The following DCP1B variants were observed in gnomAD, a reference collection of about 807,000 sequenced individuals.
DCP1B encodes the protein decapping mRNA 1B, also known as mRNA-decapping enzyme 1B.
A neutral mutation model predicts 60.5 loss-of-function variants in DCP1B; 47 were observed. The observed-to-expected ratio is 0.78, with a 90% CI of 0.61 to 0.99. The LOEUF (loss-of-function observed/expected upper bound fraction) is 0.99, where lower values mean the gene tolerates loss of function less well. Ranked by LOEUF, DCP1B falls within the 50% of genes least tolerant of loss-of-function variation. The pLI is 0.00. For missense variants in DCP1B, 725 were observed against 756.8 expected (o/e 0.96, Z 0.49); for synonymous variants, 267 against 280.3 (o/e 0.95, Z 0.47).
chr12:1,944,471 G>C (rs1181209026), downstream of DCP1B, among the ~76,000 whole-genome samples: 1 of 152,180 alleles, frequency 6.6e-6, no homozygotes, highest in African/African-American at 2.4e-5. Flanking sequence ...AGCCCGTATA[G>C]CCAAGACAAT....
intron 2 of DCP1B, 67 bp from the exon 3 acceptor site, chr12:1,993,458 T>C: frequency 6.4e-7 from 1 of 1,559,058 alleles, no homozygotes; most frequent in Admixed American, 1.8e-5. Context: ...ATTTTCAGTA[T>C]AAGTACATTC....
At chr12:1,973,039 A>G (rs2033034988) in intron 3 of DCP1B, among the ~76,000 whole-genome samples, 1 of 152,208 alleles carries the variant, frequency 6.6e-6, no homozygotes, top group African/African-American at 2.4e-5. Flanking sequence ...TTTGCACTCA[A>G]AATGCTTTCC....
intron 3 of DCP1B, chr12:1,990,986 A>G (rs1220179664): frequency 1.7e-5 from 4 of 240,664 alleles, no homozygotes; most frequent in African/African-American, 4.8e-5. Flanking sequence ...AGAAAGGACA[A>G]AAAAAAAAAA....
chr12:2,004,147 C>G, intron 1 of DCP1B, 135 bp downstream of exon 1: 1 of 1,313,880 alleles, frequency 7.6e-7, no homozygotes, highest in Non-Finnish European at 1.0e-6. Context: ...ACAACTTCGG[C>G]CTCAGTCCCC....
rs1324138337 is a variant in DCP1B at position 1,948,658 on chromosome 12, CCT to C, written c.1773+426_1773+427del. On this transcript the variant is annotated intron_variant, in intron 8 of 8. Coordinates refer to ENST00000280665, the MANE Select transcript of DCP1B (RefSeq NM_152640.5). This position sits in a 1 kb window ranked among gnomAD's most constrained non-coding sequence, Gnocchi z 4.8. Reference sequence around the variant, plus strand: ...GCCATGGCCATTATTTGCTTCCCTCCCTGTTTTCCACTCGCTCAGTGGCCTCT... The same window carrying C: ...GCCATGGCCATTATTTGCTTCCCTCCGTTTTCCACTCGCTCAGTGGCCTCT... 6.6e-6 allele frequency among the ~76,000 whole-genome samples: 1 copy of C among 152,160 alleles called. No individual in the cohort carries two copies. Among genetic ancestry groups the C allele is most frequent in the Admixed American group, 6.5e-5 (1 of 15,286 alleles).
At chr12:1,942,485 T>C (rs916242954), downstream of DCP1B, among the ~76,000 whole-genome samples, 2 of 152,172 alleles carry the variant, frequency 1.3e-5, no homozygotes, top group Non-Finnish European at 2.9e-5. Context: ...CAACAGAATA[T>C]ACATTCTTCT....
chr12:1,988,086 C>T (rs1356794047), intron 3 of DCP1B, among the ~76,000 whole-genome samples: 2 of 152,184 alleles, frequency 1.3e-5, no homozygotes, highest in Non-Finnish European at 2.9e-5. Context: ...CTGGGAGATT[C>T]CCTTCTTCCT....
At chr12:1,955,629 T>G in intron 5 of DCP1B, 69 bp from the exon 6 acceptor site, 1 of 1,510,492 alleles carries the variant, frequency 6.6e-7, no homozygotes, top group East Asian at 2.3e-5. Flanking sequence ...AAGACTACCT[T>G]TTTACTTCTT....
intron 3 of DCP1B, among the ~76,000 whole-genome samples, chr12:1,984,947 C>T (rs1388756529): frequency 6.6e-6 from 1 of 151,456 alleles, no homozygotes; most frequent in Non-Finnish European, 1.5e-5. Flanking sequence ...TTCTGGCCTA[C>T]ATAATTTCTG....
intron 3 of DCP1B, among the ~76,000 whole-genome samples, chr12:1,968,480 C>T (rs1482112752): frequency 6.6e-6 from 1 of 151,986 alleles, no homozygotes; most frequent in African/African-American, 2.4e-5. Context: ...CTGAACACAA[C>T]AGGCACTCGG....
chr12:1,978,741 T>G (rs777690089), intron 3 of DCP1B, among the ~76,000 whole-genome samples: 4 of 152,230 alleles, frequency 2.6e-5, no homozygotes, highest in Non-Finnish European at 5.9e-5. Flanking sequence ...TAGATTAGTT[T>G]TGCCTGTTCT....
At chr12:1,978,919 G>A (rs1362747575) in intron 3 of DCP1B, among the ~76,000 whole-genome samples, 1 of 152,072 alleles carries the variant, frequency 6.6e-6, no homozygotes, top group Non-Finnish European at 1.5e-5. Flanking sequence ...ACCAAAATTT[G>A]TTCATCTATG....
chr12:1,978,240 C>T (rs1439644356), intron 3 of DCP1B, among the ~76,000 whole-genome samples: 1 of 152,196 alleles, frequency 6.6e-6, no homozygotes, highest in African/African-American at 2.4e-5. Flanking sequence ...ATTTCTATTA[C>T]CTCACATTAC....
intron 3 of DCP1B, among the ~76,000 whole-genome samples, chr12:1,981,519 A>G (rs1055616717): frequency 2.6e-5 from 4 of 152,214 alleles, no homozygotes; most frequent in African/African-American, 7.2e-5. Flanking sequence ...TATAAGCACA[A>G]CTAGTAATTG....
intron 3 of DCP1B, among the ~76,000 whole-genome samples, chr12:1,982,556 CTT>C (rs1216270549): frequency 6.6e-6 from 1 of 151,942 alleles, no homozygotes; most frequent in Non-Finnish European, 1.5e-5. Flanking sequence ...ATTTTATTCT[CTT>C]TTGAGGTTGA....
chr12:1,969,285 A>G (rs1010374344), intron 3 of DCP1B, among the ~76,000 whole-genome samples: 6 of 152,222 alleles, frequency 3.9e-5, no homozygotes, highest in Admixed American at 1.3e-4. Context: ...AAAAGGTACA[A>G]GAAATGTCTT....
intron 1 of DCP1B, among the ~76,000 whole-genome samples, chr12:2,003,031 C>T (rs1486686991): frequency 6.6e-6 from 1 of 152,212 alleles, no homozygotes; most frequent in Non-Finnish European, 1.5e-5. Flanking sequence ...AAGAGCTCTT[C>T]CTGTTCTCCT....
In DCP1B at chr12:1,946,226, C is replaced by T. The variant is rs181341674; in HGVS notation, c.1834G>A (p.Ala612Thr). 2.7e-5 allele frequency: 43 copies of T among 1,606,298 alleles called. No individual in the cohort carries two copies. In the East Asian group the frequency reaches 8.1e-4, roughly 30 times the overall value. ...TGCTGTCACATAGTCTTTTTCATGGCTGCTTGAGTCATGCTGAAGAGATAG... is the reference window on the plus strand; with the variant it reads ...TGCTGTCACATAGTCTTTTTCATGGTTGCTTGAGTCATGCTGAAGAGATAG... ...EAYLFSMTQA[A>T]MKKTM Residue 612 changes from alanine to threonine, a missense_variant, in exon 9 of 9, where the codon GCC becomes ACC. Physicochemically the swap from Ala to Thr is moderately conservative, Grantham distance 58. Transcript: ENST00000280665.
intron 6 of DCP1B, among the ~76,000 whole-genome samples, chr12:1,954,367 T>C (rs1037386506): frequency 1.3e-5 from 2 of 152,222 alleles, no homozygotes; most frequent in South Asian, 4.1e-4. Flanking sequence ...CTAGTCTTTA[T>C]GTCTTTTGGC....
Sources: gnomAD v4.1 joint callset for allele counts (sites outside exome capture counted in the v4.1 genomes callset) on GRCh38, gnomAD v4.1.1 for gene constraint, Gnocchi (gnomAD v3.1) non-coding constraint, MANE v1.5 for transcripts, NCBI Gene and HGNC (gene_info 2026-07-23, HGNC 2026-07-21) for gene names.